TCEANC2: variants seen among roughly 807,000 people sequenced by gnomAD.
TCEANC2 encodes the protein transcription elongation factor A N-terminal and central domain containing 2.
TCEANC2 carries 20 observed loss-of-function variants against 22.8 expected under a neutral mutation model. The ratio of observed to expected loss-of-function variants is 0.88; its 90% CI spans 0.62 to 1.28. TCEANC2 has a LOEUF of 1.28. TCEANC2 is among the 50% of genes most tolerant of loss of function. TCEANC2 has a pLI of 0.00. For missense variants in TCEANC2, 251 were observed against 249.7 expected, an observed-to-expected ratio of 1.01 and a Z score of -0.03; for synonymous variants, 84 against 95.5, an observed-to-expected ratio of 0.88 and a Z score of 0.70.
chr1:54,073,401 C>T (rs1472539890), intron 3 of TCEANC2, among the ~76,000 whole-genome samples: 6 of 152,238 alleles, frequency 3.9e-5, no homozygotes, highest in Non-Finnish European at 8.8e-5. Context: ...TCTTAAGGAT[C>T]TTACCTCAGT....
rs1658583957 is a variant in TCEANC2, at chr1:54,097,680, T to C, written c.*1207T>C. 6.6e-6 allele frequency: 1 copy of C among 152,254 alleles called. No homozygotes were observed. The highest frequency in any genetic ancestry group is 2.4e-5 in the African/African-American group (1 of 41,464). 9.4% of individuals were successfully genotyped at this position (152,254 alleles called of 1,614,324 possible). ...TGCTTACTTCTCTCACCCATTGTAT[T>C]AAGTAGGTATTGTTGTTTTCATTTT... On this transcript the variant is annotated 3_prime_UTR_variant, in exon 5 of 5. Transcript: ENST00000234827.
At chr1:54,074,145 A>G (rs776457147) in intron 3 of TCEANC2, among the ~76,000 whole-genome samples, 28 of 152,218 alleles carry the variant, frequency 1.8e-4, no homozygotes, top group Non-Finnish European at 3.2e-4. Flanking sequence ...CATTATCAGC[A>G]TAGAGCTGGG....
intron 3 of TCEANC2, among the ~76,000 whole-genome samples, chr1:54,075,230 G>C (rs1309291908): frequency 6.6e-6 from 1 of 152,224 alleles, no homozygotes; most frequent in East Asian, 1.9e-4. Context: ...AGGCATTCAG[G>C]TGTATAATAA....
chr1:54,065,167 G>T (rs527984536), intron 2 of TCEANC2, among the ~76,000 whole-genome samples: 45 of 152,068 alleles, frequency 3.0e-4, no homozygotes, highest in Non-Finnish European at 6.5e-4. Context: ...AACAGAACTT[G>T]TCCAATGAAA....
rs527479467 is a variant in TCEANC2 at position 54,074,330 on chromosome 1, G to A, written c.244+5433G>A. 1.1e-3 allele frequency among the ~76,000 whole-genome samples: 166 copies of A among 152,284 alleles called. 1 individual carries two copies. Among genetic ancestry groups the A allele is most frequent in the African/African-American group, 3.9e-3 (162 of 41,556 alleles). On this transcript the variant is annotated intron_variant, in intron 3 of 4. Coordinates refer to ENST00000234827, the MANE Select transcript of TCEANC2 (RefSeq NM_153035.3). ...TACAAACAATTAGCTGGGCATGGTG[G>A]CGGACGCCTGTAGTCCCAGCTACTC...
chr1:54,089,326 T>C (rs774685339), intron 4 of TCEANC2, among the ~76,000 whole-genome samples: 3 of 152,220 alleles, frequency 2.0e-5, no homozygotes, highest in Admixed American at 2.0e-4. Flanking sequence ...AATAAATAGC[T>C]GTCTATTGAA....
intron 2 of TCEANC2, among the ~76,000 whole-genome samples, chr1:54,060,967 T>C (rs1158647299): frequency 2.7e-5 from 4 of 148,608 alleles, no homozygotes; most frequent in Non-Finnish European, 4.5e-5. Context: ...AAAAAAGAGG[T>C]AAGAGAAGAG....
downstream of TCEANC2, among the ~76,000 whole-genome samples, chr1:54,106,444 A>C (rs1392813728): frequency 6.6e-6 from 1 of 152,246 alleles, no homozygotes; most frequent in Non-Finnish European, 1.5e-5. Flanking sequence ...AATATGCCCC[A>C]AATATTATTA....
chr1:54,099,250 G>A lies in TCEANC2; in HGVS notation c.*2777G>A, dbSNP rs1658610915. 1 of 152,256 alleles carries A rather than the reference G, an allele frequency of 6.6e-6. No homozygotes were observed. The highest frequency in any genetic ancestry group is 1.5e-5 in the Non-Finnish European group (1 of 68,040). 9.4% of individuals were successfully genotyped at this position (152,256 alleles called of 1,614,324 possible). A position where few individuals can be genotyped will look rare whatever the true frequency, so the allele number is the denominator to read the frequency against. The stretch of plus-strand genomic sequence containing the variant: ...AGTGGTGATAGTTGGAAAGTAGAAT[G>A]ATTGCAGAGATGTGCTTTGGAGATT... On this transcript the variant is annotated 3_prime_UTR_variant, in exon 5 of 5. Coordinates refer to ENST00000234827, the MANE Select transcript of TCEANC2 (RefSeq NM_153035.3).
In TCEANC2 at chr1:54,097,210, T is replaced by C. The variant is rs1658575584; in HGVS notation, c.*737T>C. The C allele has an allele frequency of 6.5e-6, 1 of 152,884 alleles. No individual in the cohort carries two copies. Among genetic ancestry groups the C allele is most frequent in the Admixed American group, 6.5e-5 (1 of 15,282 alleles). 9.5% of individuals were successfully genotyped at this position (152,884 alleles called of 1,614,324 possible). A position where few individuals can be genotyped will look rare whatever the true frequency, so the allele number is the denominator to read the frequency against. On this transcript the variant is annotated 3_prime_UTR_variant, in exon 5 of 5. Transcript: ENST00000234827. The stretch of plus-strand genomic sequence containing the variant: ...AATTACTGCAGTAGAAAAAAGTACA[T>C]ACATATATATGTTAAAATGAAATAT...
intron 2 of TCEANC2, 149 bp downstream of exon 2, chr1:54,054,673 TA>T (rs1343409422): frequency 1.3e-6 from 1 of 769,840 alleles, no homozygotes; most frequent in African/African-American, 1.8e-5. Flanking sequence ...GTTTCGCCCA[TA>T]GCTGTACAGA....
At chr1:54,111,067 CA>C (rs1658831319), downstream of TCEANC2, 1 of 152,310 alleles carries the variant, frequency 6.6e-6, no homozygotes. Context: ...TTCCTGGGAG[CA>C]GCGACCTTGT....
Position 54,068,853 on chromosome 1 carries a change from A to G in TCEANC2, c.200A>G (p.Lys67Arg). ...ENLVEALQEL[K>R]KKIPSREVLK... Reference sequence around the variant, plus strand: ...CTTGTTGAAGCCTTACAAGAATTAAAGAAGAAAATACCCTCCAGGGAAGTG... The same window carrying G: ...CTTGTTGAAGCCTTACAAGAATTAAGGAAGAAAATACCCTCCAGGGAAGTG... Residue 67 changes from lysine to arginine, a missense_variant, in exon 3 of 5, where the codon AAG (lysine) becomes AGG (arginine). Transcript: ENST00000234827. The G allele has an allele frequency of 6.2e-7, 1 of 1,611,482 alleles. No homozygotes were observed. Among genetic ancestry groups the G allele is most frequent in the Non-Finnish European group, 8.5e-7 (1 of 1,179,182 alleles).
In TCEANC2 at chr1:54,105,137, C is replaced by T. The variant is rs1273566597; in HGVS notation, c.*8664C>T. 1.9e-5 allele frequency: 3 copies of T among 153,980 alleles called. No homozygotes were observed. The highest frequency in any genetic ancestry group is 4.3e-5 in the Non-Finnish European group (3 of 69,162). 9.5% of individuals were successfully genotyped at this position (153,980 alleles called of 1,614,324 possible). A position where few individuals can be genotyped will look rare whatever the true frequency, so the allele number is the denominator to read the frequency against. ...GAAAGGAGGTCCACCAGAACTTAAACCAAAAAGTAGAGCTGAGCAGCACAA... is the reference window on the plus strand; with the variant it reads ...GAAAGGAGGTCCACCAGAACTTAAATCAAAAAGTAGAGCTGAGCAGCACAA... On this transcript the variant is annotated 3_prime_UTR_variant, in exon 5 of 5. Transcript: ENST00000234827.
intron 3 of TCEANC2, among the ~76,000 whole-genome samples, chr1:54,079,731 C>T (rs1178500778): frequency 2.0e-5 from 3 of 152,194 alleles, no homozygotes; most frequent in Non-Finnish European, 2.9e-5. Flanking sequence ...TAACCTTAAT[C>T]ACATCTATAG....
chr1:54,084,420 A>T (rs745714638), intron 3 of TCEANC2, among the ~76,000 whole-genome samples: 3 of 152,148 alleles, frequency 2.0e-5, no homozygotes, highest in Non-Finnish European at 4.4e-5. Context: ...CTAGCTTTTC[A>T]CTATCACAAA....
chr1:54,064,442 A>G (rs577140260), intron 2 of TCEANC2, among the ~76,000 whole-genome samples: 31 of 152,276 alleles, frequency 2.0e-4, no homozygotes, highest in Middle Eastern at 3.4e-3. Flanking sequence ...TGGGGTTTGA[A>G]TAGTTTGAAT....
intron 3 of TCEANC2, among the ~76,000 whole-genome samples, chr1:54,074,112 A>C (rs980091225): frequency 1.3e-5 from 2 of 152,202 alleles, no homozygotes; most frequent in African/African-American, 4.8e-5. Context: ...CTAAGGAAAG[A>C]TTGTAACTAT....
intron 2 of TCEANC2, among the ~76,000 whole-genome samples, chr1:54,062,961 A>G (rs546228619): frequency 6.6e-6 from 1 of 152,362 alleles, no homozygotes; most frequent in Admixed American, 6.5e-5. Context: ...CCAGCCATGC[A>G]GAAATGCTGG....
Sources: allele counts gnomAD v4.1 joint callset (sites outside exome capture counted in the v4.1 genomes callset), GRCh38; gene constraint gnomAD v4.1.1; transcripts MANE v1.5; gene names NCBI Gene and HGNC (gene_info 2026-07-23, HGNC 2026-07-21).